GMIP: variants seen among roughly 807,000 people sequenced by gnomAD.
The protein encoded by GMIP is GEM interacting protein, also known as GEM-interacting protein.
A neutral mutation model predicts 105.3 loss-of-function variants in GMIP; 54 were observed. The observed-to-expected ratio is 0.51, with a 90% CI of 0.41 to 0.64. The LOEUF (loss-of-function observed/expected upper bound fraction) is 0.64, where lower values mean the gene tolerates loss of function less well. Among genes scored for constraint, GMIP ranks in the 30% least tolerant of loss-of-function variants. The probability of loss-of-function intolerance (pLI) is 0.00; values close to 1 mark genes in which losing one functional copy is unlikely to be tolerated. For missense variants in GMIP, 1,110 were observed against 1,319.4 expected (o/e 0.84, Z 2.46); for synonymous variants, 541 against 560.8 (o/e 0.96, Z 0.50).
Position 19,635,636 on chromosome 19 carries a change from A to T in GMIP, c.1405+8T>A, listed in dbSNP as rs764239391. 6.2e-7 allele frequency: 1 copy of T among 1,613,552 alleles called. No individual in the cohort carries two copies. Among genetic ancestry groups the T allele is most frequent in the Non-Finnish European group, 8.5e-7 (1 of 1,179,480 alleles). On this transcript the variant is annotated splice_region_variant and intron_variant, in intron 14 of 20. Transcript: ENST00000203556. The surrounding 1 kb of genome is among the most constrained non-coding windows in gnomAD (Gnocchi z 4.7). ...GTCCCATCCTGACCTACCCTGCTTC[A>T]GCCTCACCAGGGTCTCGCTCCTCAA...
At position 19,637,667 on chromosome 19, in the gene GMIP, G is replaced by T; in HGVS notation, c.928-106C>A. On this transcript the variant is annotated intron_variant, in intron 10 of 20. Transcript: ENST00000203556. This position sits in a 1 kb window ranked among gnomAD's most constrained non-coding sequence, Gnocchi z 6.7. ...GAGACGCGAACGTGGTCAGGGTTTG[G>T]GACGCACCTGGGCGGCTTAGGAACT... 1 of 994,784 alleles carries T rather than the reference G, an allele frequency of 1.0e-6. No individual in the cohort carries two copies. Among genetic ancestry groups the T allele is most frequent in the Non-Finnish European group, 1.4e-6 (1 of 704,824 alleles). 61.6% of individuals were successfully genotyped at this position (994,784 alleles called of 1,614,324 possible). A position where few individuals can be genotyped will look rare whatever the true frequency, so the allele number is the denominator to read the frequency against.
chr19:19,641,303 C>T (rs769216628), intron 4 of GMIP, among the ~76,000 whole-genome samples: 1 of 144,034 alleles, frequency 6.9e-6, no homozygotes, highest in Non-Finnish European at 1.5e-5. Context: ...AGGATGGTCT[C>T]GATCTCCTGA....
chr19:19,634,977 C>A lies in GMIP; in HGVS notation c.1749+48G>T. 6.2e-7 allele frequency: 1 copy of A among 1,613,214 alleles called. No individual in the cohort carries two copies. The highest frequency in any genetic ancestry group is 1.3e-5 in the African/African-American group (1 of 75,034). On this transcript the variant is annotated intron_variant, in intron 16 of 20. Transcript: ENST00000203556. The surrounding 1 kb of genome is among the most constrained non-coding windows in gnomAD (Gnocchi z 6.1). ...AGACACCTGGTTCGTGATAGGCCAT[C>A]GATTCGGTCAGGTCACTTCTGGGGA...
chr19:19,634,509 G>A lies in GMIP; in HGVS notation c.2082C>T (p.Phe694=). Reference sequence around the variant, plus strand: ...AAGGCTCAGGGACCCATGCACACCTGAACAGATGGGCCACCAGGTGCCGCA... The same window carrying A: ...AAGGCTCAGGGACCCATGCACACCTAAACAGATGGGCCACCAGGTGCCGCA... ...NTLRHLVAHL[F]RVAARFMENK... Residue 694 remains phenylalanine (F), a splice_region_variant and synonymous_variant, in exon 18 of 21, where the codon TTC becomes TTT. Transcript: ENST00000203556. This position sits in a 1 kb window ranked among gnomAD's most constrained non-coding sequence, Gnocchi z 6.1. 6.2e-7 allele frequency: 1 copy of A among 1,608,880 alleles called. No homozygotes were observed. The highest frequency in any genetic ancestry group is 8.5e-7 in the Non-Finnish European group (1 of 1,178,504).
Position 19,642,001 on chromosome 19 carries a change from G to T in GMIP, c.155C>A (p.Pro52His), listed in dbSNP as rs371486069. The T allele has an allele frequency of 1.9e-6, 3 of 1,613,750 alleles. No individual in the cohort carries two copies. The South Asian group carries it at 3.3e-5, about 18-fold the overall frequency. ...GDPLLSEDPE[P>H]DKTPTATVTN... ...AACAGTGGCTGTAGGGGTCTTGTCA[G>T]GTTCTGGGTCTTCTGAGAGTAGAGG... The change falls in exon 3 of 21, where the codon CCT becomes CAT. Residue 52 changes from proline (P) to histidine (H), a missense_variant. Around this residue, in one of 3 missense-constraint regions of GMIP, gnomAD observed 667 missense variants for 773.2 expected, o/e 0.86. Transcript: ENST00000203556.
chr19:19,630,503 A>G lies in GMIP; in HGVS notation c.2507T>C (p.Val836Ala). The change falls in exon 20 of 21, where the codon GTG (valine) becomes GCG (alanine). Residue 836 changes from valine (V) to alanine (A), a missense_variant. By Grantham distance (64) the Val-to-Ala change is moderately conservative (BLOSUM62 0). Around this residue, in one of 3 missense-constraint regions of GMIP, gnomAD observed 394 missense variants for 450.5 expected, o/e 0.87. Transcript: ENST00000203556. The surrounding 1 kb of genome is among the most constrained non-coding windows in gnomAD (Gnocchi z 4.8). ...PTPQSDQREDVAEDTKDGGGE... is the reference protein window; with the variant it reads ...PTPQSDQREDAAEDTKDGGGE... ...TCCCCCATCTTTGGTGTCTTCAGCC[A>G]CGTCCTCTCTCTGGTCACTCTGTGG... 6.2e-7 allele frequency: 1 copy of G among 1,614,060 alleles called. No homozygotes were observed. Among genetic ancestry groups the G allele is most frequent in the South Asian group, 1.1e-5 (1 of 91,076 alleles).
In GMIP at chr19:19,634,293, G is replaced by C. The variant is rs1288966274; in HGVS notation, c.2085-103C>G. 6 of 1,273,132 alleles carry C rather than the reference G, an allele frequency of 4.7e-6. No individual in the cohort carries two copies. Among genetic ancestry groups the C allele is most frequent in the Non-Finnish European group, 6.4e-6 (6 of 938,104 alleles). 78.9% of individuals were successfully genotyped at this position (1,273,132 alleles called of 1,614,324 possible). On this transcript the variant is annotated intron_variant, in intron 18 of 20. Transcript: ENST00000203556. The surrounding 1 kb of genome is among the most constrained non-coding windows in gnomAD (Gnocchi z 6.1). ...GCCAGCCTAGAGGTGACTTGCCCAT[G>C]TCACAGGTGTAAGTCGTCTGAGACC...
chr19:19,641,782 C>T (rs771110261), intron 4 of GMIP, 28 bp downstream of exon 4: 43 of 1,534,766 alleles, frequency 2.8e-5, no homozygotes, highest in Non-Finnish European at 3.5e-5. Flanking sequence ...TGTCTGTCCC[C>T]ACTGTCCTGG....
intron 7 of GMIP, 30 bp downstream of exon 7, chr19:19,640,055 C>T: frequency 7.8e-7 from 1 of 1,280,258 alleles, no homozygotes; most frequent in Non-Finnish European, 1.1e-6. Flanking sequence ...GCAGGGTGAC[C>T]TCTGTAACAT....
rs771561896 is a variant in GMIP, at chr19:19,634,750, A to AG, written c.1887+41dup. Reference sequence around the variant, plus strand: ...CAACACGAGTGTGGGTGGGCTGTGGAGGGCTCCTGCCCGCGTCCCCCTCAG... The same window carrying AG: ...CAACACGAGTGTGGGTGGGCTGTGGAGGGGCTCCTGCCCGCGTCCCCCTCAG... On this transcript the variant is annotated intron_variant, in intron 17 of 20. Coordinates refer to ENST00000203556, the MANE Select transcript of GMIP (RefSeq NM_016573.4). The surrounding 1 kb of genome is among the most constrained non-coding windows in gnomAD (Gnocchi z 6.1). 3.7e-6 allele frequency: 6 copies of AG among 1,610,234 alleles called. No homozygotes were observed. Among genetic ancestry groups the AG allele is most frequent in the Non-Finnish European group, 5.1e-6 (6 of 1,177,522 alleles).
Position 19,638,027 on chromosome 19 carries a change from A to T in GMIP, c.820T>A (p.Cys274Ser). The stretch of plus-strand genomic sequence containing the variant: ...TGCCGCGCGTTGGCCTCGCGGACAC[A>T]GGCCTGGTACAGCGCCTCGGCCTCC... ...AQEAEALYQA[C>S]VREANARQQD... is the part of the protein sequence containing the mutation. The change falls in exon 10 of 21, where the codon TGT becomes AGT. Residue 274 changes from cysteine to serine, a missense_variant. Transcript: ENST00000203556. The T allele has an allele frequency of 1.2e-6, 2 of 1,601,826 alleles. No homozygotes were observed. Among genetic ancestry groups the T allele is most frequent in the Non-Finnish European group, 1.7e-6 (2 of 1,175,098 alleles).
At chr19:19,640,050 G>T in intron 7 of GMIP, 35 bp downstream of exon 7, 1 of 1,220,582 alleles carries the variant, frequency 8.2e-7, no homozygotes, top group Non-Finnish European at 1.2e-6. Context: ...GGATAGCAGG[G>T]TGACCTCTGT....
intron 19 of GMIP, among the ~76,000 whole-genome samples, chr19:19,632,745 C>G (rs1249709594): frequency 6.6e-6 from 1 of 152,164 alleles, no homozygotes; most frequent in Non-Finnish European, 1.5e-5. Flanking sequence ...GATGCAAGGT[C>G]AGGATAGCTG....
rs1350141816 is a variant in GMIP, at chr19:19,643,543, G to C, written c.-14C>G. 1 of 1,546,900 alleles carries C rather than the reference G, an allele frequency of 6.5e-7. No homozygotes were observed. The highest frequency in any genetic ancestry group is 8.7e-7 in the Non-Finnish European group (1 of 1,144,946). ...TGCTGCGTCCATATCTGGGCCCGGG[G>C]ATCGCTCTGCAGGGACCGGGATGGG... On this transcript the variant is annotated 5_prime_UTR_variant, in exon 1 of 21. In the 5' UTR this introduces an upstream ATG that the reference lacks. Coordinates refer to ENST00000203556, the MANE Select transcript of GMIP (RefSeq NM_016573.4).
In GMIP at chr19:19,637,975, C is replaced by T; in HGVS notation, c.872G>A (p.Arg291Gln). Reference sequence around the variant, plus strand: ...CAGCTTGCGCACGTGCGACACGATTCGCTGCTTGGCGATCTCCAGGTCCTG... The same window carrying T: ...CAGCTTGCGCACGTGCGACACGATTTGCTGCTTGGCGATCTCCAGGTCCTG... Reference protein sequence around the residue: ...RQQDLEIAKQRIVSHVRKLVF... With the variant: ...RQQDLEIAKQQIVSHVRKLVF... Residue 291 changes from arginine (R) to glutamine (Q), a missense_variant, in exon 10 of 21, where the codon CGA (arginine) becomes CAA (glutamine). Coordinates refer to ENST00000203556, the MANE Select transcript of GMIP (RefSeq NM_016573.4). The surrounding 1 kb of genome is among the most constrained non-coding windows in gnomAD (Gnocchi z 6.7). The T allele has an allele frequency of 6.2e-7, 1 of 1,611,228 alleles. No homozygotes were observed. The highest frequency in any genetic ancestry group is 8.5e-7 in the Non-Finnish European group (1 of 1,179,348).
At position 19,630,590 on chromosome 19, in the gene GMIP, G is replaced by C. The variant is rs1244024637; in HGVS notation, c.2473-53C>G. 2.7e-6 allele frequency: 4 copies of C among 1,461,492 alleles called. No individual in the cohort carries two copies. The highest frequency in any genetic ancestry group is 3.8e-6 in the Non-Finnish European group (4 of 1,041,452). The allele number at this position is 1,461,492 out of a possible 1,614,324, so 90.5% of individuals were successfully genotyped here. On this transcript the variant is annotated intron_variant, in intron 19 of 20. Coordinates refer to ENST00000203556, the MANE Select transcript of GMIP (RefSeq NM_016573.4). This position sits in a 1 kb window ranked among gnomAD's most constrained non-coding sequence, Gnocchi z 4.8. ...CCCAACACTAAAATCCCAGTTCTTTGAGATTCCTGGAGAGCCAAGGGCTTG... is the reference window on the plus strand; with the variant it reads ...CCCAACACTAAAATCCCAGTTCTTTCAGATTCCTGGAGAGCCAAGGGCTTG...
At chr19:19,636,119 G>A (rs887228142) in intron 13 of GMIP, among the ~76,000 whole-genome samples, 3 of 151,692 alleles carry the variant, frequency 2.0e-5, no homozygotes, top group African/African-American at 4.8e-5. Flanking sequence ...CACGAGAATC[G>A]CTTGAACCTG....
Position 19,643,540 on chromosome 19 carries a change from G to T in GMIP, c.-11C>A, listed in dbSNP as rs942713124. 5.8e-6 allele frequency: 9 copies of T among 1,546,522 alleles called. No homozygotes were observed. Among genetic ancestry groups the T allele is most frequent in the Non-Finnish European group, 7.9e-6 (9 of 1,144,612 alleles). On this transcript the variant is annotated 5_prime_UTR_variant, in exon 1 of 21. Coordinates refer to ENST00000203556, the MANE Select transcript of GMIP (RefSeq NM_016573.4). ...CTCTGCTGCGTCCATATCTGGGCCC[G>T]GGGATCGCTCTGCAGGGACCGGGAT...
rs979761757 is a variant in GMIP at position 19,635,782 on chromosome 19, G to A, written c.1328-61C>T. ...ATGGGAGGCACTCCTGGTTTTTAGG[G>A]CTTCCAGAACCACCCACTAATTCCC... On this transcript the variant is annotated intron_variant, in intron 13 of 20. Transcript: ENST00000203556. The surrounding 1 kb of genome is among the most constrained non-coding windows in gnomAD (Gnocchi z 4.7). 7.1e-7 allele frequency: 1 copy of A among 1,407,348 alleles called. No homozygotes were observed. The highest frequency in any genetic ancestry group is 1.4e-5 in the African/African-American group (1 of 71,156). The allele number at this position is 1,407,348 out of a possible 1,614,324, so 87.2% of individuals were successfully genotyped here. A position where few individuals can be genotyped will look rare whatever the true frequency, so the allele number is the denominator to read the frequency against.
Sources: allele counts gnomAD v4.1 joint callset (sites outside exome capture counted in the v4.1 genomes callset), GRCh38; gene constraint gnomAD v4.1.1; regional missense constraint gnomAD v4.1.1; non-coding constraint Gnocchi (gnomAD v3.1); transcripts MANE v1.5; gene names NCBI Gene and HGNC (gene_info 2026-07-23, HGNC 2026-07-21).